The following TENM1 variants were observed in gnomAD, a reference collection of about 807,000 sequenced individuals.
TENM1 encodes the protein teneurin-1.
TENM1 carries 35 observed loss-of-function variants against 174.8 expected under a neutral mutation model. The ratio of observed to expected loss-of-function variants is 0.20; its 90% CI spans 0.15 to 0.27. The LOEUF (loss-of-function observed/expected upper bound fraction) is 0.27, where lower values mean the gene tolerates loss of function less well. TENM1 is among the 10% of genes least tolerant of loss of function. TENM1 has a pLI of 1.00. For missense variants in TENM1, 1,633 were observed against 2,130.1 expected (o/e 0.77, Z 4.59); for synonymous variants, 781 against 798.7 (o/e 0.98, Z 0.37).
At chrX:124,596,351 T>C (rs762353351) in intron 11 of TENM1, among the ~76,000 whole-genome samples, 14 of 112,370 alleles carry the variant, frequency 1.2e-4, no homozygotes, top group Admixed American at 1.2e-3. Flanking sequence ...TTTCCTTCCT[T>C]TTGACTTTTC....
chrX:125,018,454 G>C, the TENM1 span, among the ~76,000 whole-genome samples: 1 of 111,034 alleles, frequency 9.0e-6, no homozygotes, highest in Non-Finnish European at 1.9e-5. Flanking sequence ...GCATTTTTGA[G>C]GTCCTACTTG....
At chrX:124,767,672 T>C (rs752341574) in intron 3 of TENM1, among the ~76,000 whole-genome samples, 3 of 111,286 alleles carry the variant, frequency 2.7e-5, no homozygotes. Context: ...GTTCATACAA[T>C]AGCAAAGGAG....
In TENM1 at chrX:124,612,602, T is replaced by C. The variant is rs148978144; in HGVS notation, c.2077+29189A>G. Among the ~76,000 whole-genome samples, 493 of 111,406 alleles carry C rather than the reference T, an allele frequency of 4.4e-3. 3 individuals are homozygous for C. Among genetic ancestry groups the C allele is most frequent in the Middle Eastern group, 0.014 (3 of 215 alleles). ...CAACAAATTCCCAAAAGAGAAGAGA[T>C]TTCTTGTGCTATGCGTTTAAAATGA... On this transcript the variant is annotated intron_variant, in intron 11 of 31. Transcript: ENST00000422452.
chrX:124,566,952 C>T (rs1382316898), intron 11 of TENM1, among the ~76,000 whole-genome samples: 3 of 111,898 alleles, frequency 2.7e-5, no homozygotes, highest in African/African-American at 3.2e-5. Context: ...TTATACATCA[C>T]AAAGCTGTTG....
chrX:124,703,302 T>C (rs1418052752), intron 5 of TENM1, among the ~76,000 whole-genome samples: 1 of 111,989 alleles, frequency 8.9e-6, no homozygotes, highest in Non-Finnish European at 1.9e-5. Context: ...TGATATGCCA[T>C]TGTTTATTCT....
At chrX:124,756,972 C>T (rs1352448739) in intron 3 of TENM1, among the ~76,000 whole-genome samples, 28 of 111,060 alleles carry the variant, frequency 2.5e-4, no homozygotes, top group Non-Finnish European at 5.1e-4. Flanking sequence ...GCAGTCTGCC[C>T]GTTCTCAGAT....
intron 5 of TENM1, among the ~76,000 whole-genome samples, chrX:124,692,293 G>A (rs992475400): frequency 4.5e-5 from 5 of 111,185 alleles, no homozygotes. Context: ...TGAGGGTGGA[G>A]AGTGGAGGAA....
At chrX:125,022,529 T>G in the TENM1 span, among the ~76,000 whole-genome samples, 1 of 111,919 alleles carries the variant, frequency 8.9e-6, no homozygotes, top group Non-Finnish European at 1.9e-5. Context: ...GCAAAATCAT[T>G]ACTGTAAGTA....
intron 3 of TENM1, among the ~76,000 whole-genome samples, chrX:124,861,717 G>A (rs2056914505): frequency 8.9e-6 from 1 of 111,992 alleles, no homozygotes; most frequent in Non-Finnish European, 1.9e-5. Flanking sequence ...TATTAATTTA[G>A]GCAATGTCTT....
chrX:124,804,613 A>T (rs1313284279), intron 3 of TENM1, among the ~76,000 whole-genome samples: 2 of 112,242 alleles, frequency 1.8e-5, no homozygotes, highest in African/African-American at 6.5e-5. Context: ...ACTAACAAAG[A>T]ACGAAAATTC....
chrX:124,571,374 G>C (rs1226067412), intron 11 of TENM1, among the ~76,000 whole-genome samples: 1 of 111,817 alleles, frequency 8.9e-6, no homozygotes, highest in African/African-American at 3.2e-5. Context: ...AGCCTGAAAT[G>C]CATGTAGTAG....
At chrX:124,756,903 G>T (rs994110999) in intron 3 of TENM1, among the ~76,000 whole-genome samples, 1 of 111,842 alleles carries the variant, frequency 8.9e-6, no homozygotes, top group Admixed American at 9.4e-5. Flanking sequence ...TGCCCCTACT[G>T]GGGGGTGCCT....
intron 27 of TENM1, among the ~76,000 whole-genome samples, chrX:124,398,774 C>A (rs1221128753): frequency 9.0e-6 from 1 of 111,237 alleles, no homozygotes; most frequent in Non-Finnish European, 1.9e-5. Context: ...TAACCACTAC[C>A]ACAATCGTGA....
chrX:124,653,930 C>G, intron 6 of TENM1, 147 bp from the exon 10 acceptor site: 1 of 488,919 alleles, frequency 2.0e-6, no homozygotes. Context: ...AGGCCTTGCC[C>G]AAATTAAATA....
intron 23 of TENM1, among the ~76,000 whole-genome samples, chrX:124,441,838 T>C (rs781730174): frequency 8.9e-6 from 1 of 112,178 alleles, no homozygotes; most frequent in African/African-American, 3.2e-5. Flanking sequence ...ATTCAATTGG[T>C]TAAACTAACC....
At chrX:124,966,596 A>G (rs1264102789), upstream of TENM1, among the ~76,000 whole-genome samples, 1 of 104,773 alleles carries the variant, frequency 9.5e-6, no homozygotes, top group Non-Finnish European at 1.9e-5. Flanking sequence ...TGGGAGGCGG[A>G]GCTTGCAGTG....
exon 32 of TENM1, chrX:124,380,292 G>A: frequency 6.5e-6 from 2 of 309,255 alleles, no homozygotes; most frequent in Middle Eastern, 9.3e-4. Flanking sequence ...GTTTTTAGCT[G>A]TTTGAGTTCT....
chrX:124,452,570 C>T (rs181303403), intron 23 of TENM1, among the ~76,000 whole-genome samples: 177 of 110,952 alleles, frequency 1.6e-3, no homozygotes, highest in African/African-American at 4.8e-3. Context: ...CACATGCACA[C>T]GTATGTTTAT....
chrX:124,485,205 T>C (rs1333397201), intron 21 of TENM1, among the ~76,000 whole-genome samples: 1 of 111,265 alleles, frequency 9.0e-6, no homozygotes, highest in Non-Finnish European at 1.9e-5. Context: ...AAAAATTAGG[T>C]TCAATTGGAA....
Sources: gnomAD v4.1 joint callset for allele counts (sites outside exome capture counted in the v4.1 genomes callset) on GRCh38, gnomAD v4.1.1 for gene constraint, MANE v1.5 for transcripts, NCBI Gene and HGNC (gene_info 2026-07-23, HGNC 2026-07-21) for gene names.